PTPRT: variants seen among roughly 807,000 people sequenced by gnomAD.
PTPRT encodes receptor-type tyrosine-protein phosphatase T.
A neutral mutation model predicts 176.8 loss-of-function variants in PTPRT; 56 were observed. That is an observed-to-expected ratio of 0.32 (90% CI 0.26 to 0.40). The LOEUF (loss-of-function observed/expected upper bound fraction) is 0.40. Among genes scored for constraint, PTPRT ranks in the 10% least tolerant of loss-of-function variants. PTPRT has a pLI of 1.00. For missense variants in PTPRT, 1,540 were observed against 1,908.2 expected (o/e 0.81, Z 3.60); for synonymous variants, 783 against 739.0 (o/e 1.06, Z -0.96).
chr20:42,869,339 A>T (rs1194307884), intron 2 of PTPRT, among the ~76,000 whole-genome samples: 2 of 152,084 alleles, frequency 1.3e-5, no homozygotes, highest in Non-Finnish European at 2.9e-5. Flanking sequence ...TTTGTGGGGC[A>T]CGCCCAGCAA....
chr20:42,350,819 G>C, intron 10 of PTPRT, 89 bp from the exon 11 acceptor site: 1 of 974,288 alleles, frequency 1.0e-6, no homozygotes, highest in Non-Finnish European at 1.6e-6. Context: ...TAAAGACACA[G>C]CATGGATAGA....
chr20:42,422,464 C>G (rs1035201651), intron 9 of PTPRT, among the ~76,000 whole-genome samples: 1 of 152,156 alleles, frequency 6.6e-6, no homozygotes. Flanking sequence ...CATCACTGAT[C>G]GTTAGAGAAA....
chr20:42,545,099 C>A (rs1168741219), intron 7 of PTPRT, among the ~76,000 whole-genome samples: 3 of 152,184 alleles, frequency 2.0e-5, no homozygotes, highest in Non-Finnish European at 2.9e-5. Context: ...CTGGCTTGCC[C>A]ATGCACATTT....
chr20:42,320,440 T>G (rs1600830681), intron 11 of PTPRT, among the ~76,000 whole-genome samples: 1 of 152,226 alleles, frequency 6.6e-6, no homozygotes, highest in Non-Finnish European at 1.5e-5. Context: ...CTAGGAGGTG[T>G]ATCCTTTCAG....
At chr20:42,374,296 A>T (rs1310188675) in intron 9 of PTPRT, among the ~76,000 whole-genome samples, 2 of 152,208 alleles carry the variant, frequency 1.3e-5, no homozygotes, top group African/African-American at 2.4e-5. Context: ...ACAAGGGGAA[A>T]CCTCATTAAA....
intron 11 of PTPRT, among the ~76,000 whole-genome samples, chr20:42,323,111 C>A (rs2057825696): frequency 6.6e-6 from 1 of 152,130 alleles, no homozygotes; most frequent in African/African-American, 2.4e-5. Flanking sequence ...CAGGAAACAA[C>A]AGGTGCTGGA....
At chr20:43,106,320 T>G (rs1568788530) in intron 1 of PTPRT, among the ~76,000 whole-genome samples, 1 of 151,602 alleles carries the variant, frequency 6.6e-6, no homozygotes, top group African/African-American at 2.4e-5. Flanking sequence ...AAAAAGAAAG[T>G]AAAGGGTTAA....
chr20:43,184,374 T>G (rs924508551), intron 1 of PTPRT, among the ~76,000 whole-genome samples: 1 of 152,140 alleles, frequency 6.6e-6, no homozygotes, highest in African/African-American at 2.4e-5. Context: ...ACTGAAATAA[T>G]GCTCACATTT....
intron 1 of PTPRT, among the ~76,000 whole-genome samples, chr20:43,187,292 C>A (rs1302939298): frequency 6.6e-6 from 1 of 151,992 alleles, no homozygotes. Flanking sequence ...ATGTATTTGT[C>A]CAAACTTGCC....
Position 43,061,411 on chromosome 20 carries a change from G to A in PTPRT, c.88+128235C>T, listed in dbSNP as rs149428188. Among the ~76,000 whole-genome samples, 1,000 of 152,216 alleles carry A rather than the reference G, an allele frequency of 6.6e-3. 10 individuals are homozygous for A. Among genetic ancestry groups the A allele is most frequent in the African/African-American group, 0.023 (969 of 41,524 alleles). On this transcript the variant is annotated intron_variant, in intron 1 of 30. Coordinates refer to ENST00000373187, the MANE Select transcript of PTPRT (RefSeq NM_007050.6). ...ACGGTCTTGAGTATCAAATGTGCTC[G>A]GCCTCATGTTGAGCACCTTTAAGTC...
At chr20:43,010,774 C>T (rs932146238) in intron 1 of PTPRT, among the ~76,000 whole-genome samples, 7 of 151,962 alleles carry the variant, frequency 4.6e-5, no homozygotes, top group Non-Finnish European at 1.0e-4. Flanking sequence ...ATTAATGCCC[C>T]CACTAACCAT....
chr20:42,372,258 G>A (rs997010720), intron 9 of PTPRT, among the ~76,000 whole-genome samples: 7 of 147,730 alleles, frequency 4.7e-5, no homozygotes, highest in Non-Finnish European at 9.0e-5. Flanking sequence ...CTGTTAAACA[G>A]AAGACAGGGT....
At chr20:42,798,204 T>C (rs759942624) in intron 2 of PTPRT, among the ~76,000 whole-genome samples, 7 of 152,322 alleles carry the variant, frequency 4.6e-5, no homozygotes, top group South Asian at 4.1e-4. Flanking sequence ...CTTTCACTAA[T>C]GTCCAGGAAA....
intron 6 of PTPRT, among the ~76,000 whole-genome samples, chr20:42,708,574 G>A (rs1318950154): frequency 6.6e-6 from 1 of 152,158 alleles, no homozygotes; most frequent in Non-Finnish European, 1.5e-5. Context: ...TGCAGCTTGT[G>A]TTAAGGGCCC....
chr20:42,044,339 A>G, the PTPRT span, among the ~76,000 whole-genome samples: 1 of 152,196 alleles, frequency 6.6e-6, no homozygotes, highest in African/African-American at 2.4e-5. Flanking sequence ...AGATGTCCCA[A>G]ATAGCTGATG....
At chr20:43,056,256 G>A (rs1004948199) in intron 1 of PTPRT, among the ~76,000 whole-genome samples, 2 of 152,168 alleles carry the variant, frequency 1.3e-5, no homozygotes, top group Non-Finnish European at 2.9e-5. Context: ...GCTCTGGGAC[G>A]TGGCTACCTA....
At chr20:42,585,081 G>GA (rs778078348) in intron 7 of PTPRT, among the ~76,000 whole-genome samples, 4 of 151,848 alleles carry the variant, frequency 2.6e-5, no homozygotes, top group Admixed American at 6.6e-5. Context: ...TGGATACATG[G>GA]AAAAAAATGG....
At chr20:42,690,996 C>G (rs149284702) in intron 6 of PTPRT, among the ~76,000 whole-genome samples, 45 of 152,284 alleles carry the variant, frequency 3.0e-4, no homozygotes, top group African/African-American at 1.0e-3. Flanking sequence ...CATTCCACAG[C>G]CTTCTCCTGT....
At chr20:42,299,861 A>G (rs2057436566) in intron 12 of PTPRT, among the ~76,000 whole-genome samples, 1 of 151,636 alleles carries the variant, frequency 6.6e-6, no homozygotes, top group East Asian at 2.0e-4. Flanking sequence ...GTTGGCCAAA[A>G]TGGTCTCGAT....
Sources: gnomAD v4.1 joint callset for allele counts (sites outside exome capture counted in the v4.1 genomes callset) on GRCh38, gnomAD v4.1.1 for gene constraint, MANE v1.5 for transcripts, NCBI Gene and HGNC (gene_info 2026-07-23, HGNC 2026-07-21) for gene names.